The following EYS variants were observed in gnomAD, a reference collection of about 807,000 sequenced individuals.
EYS encodes EGF-like photoreceptor maintenance factor, also known as protein eyes shut homolog.
Under a neutral mutation model 282.1 loss-of-function variants are expected in EYS, and 250 were observed. The observed-to-expected ratio is 0.89, with a 90% CI of 0.80 to 0.98. EYS has a LOEUF of 0.98. EYS is among the 50% of genes least tolerant of loss of function. The pLI, the probability that EYS is intolerant of heterozygous loss-of-function variation, is 0.00. For missense variants in EYS, 4,016 were observed against 3,709.0 expected, an observed-to-expected ratio of 1.08 and a Z score of -2.15; for synonymous variants, 1,355 against 1,282.9, an observed-to-expected ratio of 1.06 and a Z score of -1.20.
At chr6:65,000,861 CAT>C (rs1473546609) in intron 13 of EYS, among the ~76,000 whole-genome samples, 1 of 152,224 alleles carries the variant, frequency 6.6e-6, no homozygotes, top group Non-Finnish European at 1.5e-5. Context: ...CAAACACACA[CAT>C]ATATGCAGTG....
chr6:65,559,528 C>T (rs1652481553), intron 2 of EYS, among the ~76,000 whole-genome samples: 1 of 152,220 alleles, frequency 6.6e-6, no homozygotes, highest in Middle Eastern at 3.4e-3. Context: ...TAAGGTTTTT[C>T]ATGGGCATAA....
intron 35 of EYS, among the ~76,000 whole-genome samples, chr6:63,926,112 T>C (rs1231423735): frequency 1.3e-5 from 2 of 151,780 alleles, no homozygotes; most frequent in Non-Finnish European, 2.9e-5. Flanking sequence ...GGGATCATCC[T>C]ATCAGCATGG....
intron 31 of EYS, among the ~76,000 whole-genome samples, chr6:64,085,846 G>T (rs752378416): frequency 6.6e-6 from 1 of 152,112 alleles, no homozygotes; most frequent in Non-Finnish European, 1.5e-5. Context: ...TTACCTACCT[G>T]GTTCTGCATT....
intron 5 of EYS, among the ~76,000 whole-genome samples, chr6:65,422,030 A>G (rs902830200): frequency 6.6e-6 from 1 of 151,924 alleles, no homozygotes; most frequent in Non-Finnish European, 1.5e-5. Flanking sequence ...GGTGTTAGAA[A>G]AACTGGTGCT....
intron 11 of EYS, among the ~76,000 whole-genome samples, chr6:65,306,764 C>T (rs565594355): frequency 0.13 from 15,382 of 114,874 alleles, 245 homozygotes; most frequent in Admixed American, 0.2. Flanking sequence ...ACCTGGGAGG[C>T]GGAGGTTGCA....
chr6:64,685,609 A>T (rs1028043535), intron 22 of EYS, among the ~76,000 whole-genome samples: 13 of 152,052 alleles, frequency 8.5e-5, no homozygotes, highest in African/African-American at 3.1e-4. Flanking sequence ...TCCCTTTCAC[A>T]TTCCTCCACG....
chr6:64,292,506 C>A (rs1768749559), intron 30 of EYS, among the ~76,000 whole-genome samples: 1 of 151,944 alleles, frequency 6.6e-6, no homozygotes, highest in Admixed American at 6.6e-5. Context: ...AGGGAGGGCA[C>A]AGAAGTTAGA....
chr6:65,001,730 A>G (rs1771473794), intron 13 of EYS, among the ~76,000 whole-genome samples: 1 of 147,782 alleles, frequency 6.8e-6, no homozygotes, highest in African/African-American at 2.4e-5. Flanking sequence ...TAGCTTCCCA[A>G]ACCATTTTAT....
At chr6:64,548,189 G>A (rs866574972) in intron 26 of EYS, among the ~76,000 whole-genome samples, 2 of 152,186 alleles carry the variant, frequency 1.3e-5, no homozygotes, top group Non-Finnish European at 2.9e-5. Flanking sequence ...AAGAGCAAGC[G>A]AGGGCTGCGA....
At chr6:64,783,059 G>T (rs933373268) in intron 22 of EYS, among the ~76,000 whole-genome samples, 1 of 152,088 alleles carries the variant, frequency 6.6e-6, no homozygotes, top group Non-Finnish European at 1.5e-5. Context: ...TGTCTGGGAC[G>T]TGAATCATCC....
intron 36 of EYS, among the ~76,000 whole-genome samples, chr6:63,851,674 G>C (rs760333763): frequency 2.6e-5 from 4 of 152,170 alleles, no homozygotes; most frequent in Non-Finnish European, 4.4e-5. Flanking sequence ...CCAAAGCAGT[G>C]TTTAGAGGGA....
intron 14 of EYS, among the ~76,000 whole-genome samples, chr6:64,988,482 A>G (rs186298805): frequency 6.6e-6 from 1 of 151,652 alleles, no homozygotes; most frequent in Admixed American, 6.6e-5. Flanking sequence ...AAAAAAAGTT[A>G]AAAGACGTAC....
chr6:65,594,642 T>C (rs1005033777), intron 2 of EYS, among the ~76,000 whole-genome samples: 4 of 152,166 alleles, frequency 2.6e-5, no homozygotes, highest in African/African-American at 9.6e-5. Context: ...TAGTTTCTTT[T>C]GCTGTGCAGA....
intron 35 of EYS, among the ~76,000 whole-genome samples, chr6:63,973,343 A>C: frequency 6.6e-6 from 1 of 152,114 alleles, no homozygotes; most frequent in East Asian, 1.9e-4. Context: ...TGTTGGTCAC[A>C]TAAATGTCTT....
At chr6:65,554,774 A>G (rs752317986) in intron 2 of EYS, among the ~76,000 whole-genome samples, 3 of 152,178 alleles carry the variant, frequency 2.0e-5, no homozygotes, top group Non-Finnish European at 2.9e-5. Flanking sequence ...AAATGGCACA[A>G]AGGCTAATTA....
chr6:64,535,074 T>C (rs916588401), intron 26 of EYS, among the ~76,000 whole-genome samples: 2 of 152,224 alleles, frequency 1.3e-5, no homozygotes, highest in African/African-American at 4.8e-5. Flanking sequence ...CTTAGTTTTA[T>C]GCTTGCATCT....
intron 35 of EYS, among the ~76,000 whole-genome samples, chr6:63,972,464 T>G (rs900684823): frequency 6.6e-5 from 10 of 152,226 alleles, no homozygotes; most frequent in African/African-American, 2.4e-4. Context: ...GCTATAATTT[T>G]TATATGTAGC....
chr6:63,898,298 C>G (rs902388133), intron 35 of EYS, among the ~76,000 whole-genome samples: 15 of 151,896 alleles, frequency 9.9e-5, no homozygotes, highest in Non-Finnish European at 1.8e-4. Context: ...ACCAGCCTGA[C>G]CAACATGGTG....
At chr6:64,828,004 T>C (rs1765107095) in intron 19 of EYS, among the ~76,000 whole-genome samples, 1 of 150,706 alleles carries the variant, frequency 6.6e-6, no homozygotes, top group South Asian at 2.1e-4. Context: ...GACTGATATG[T>C]TAAAAAATAT....
Sources: gnomAD v4.1 joint callset for allele counts (sites outside exome capture counted in the v4.1 genomes callset) on GRCh38, gnomAD v4.1.1 for gene constraint, MANE v1.5 for transcripts, NCBI Gene and HGNC (gene_info 2026-07-23, HGNC 2026-07-21) for gene names.